The following EPC2 variants were observed in gnomAD, a reference collection of about 807,000 sequenced individuals.
EPC2 encodes enhancer of polycomb 2.
A neutral mutation model predicts 92.1 loss-of-function variants in EPC2; 14 were observed. The observed-to-expected ratio is 0.15, with a 90% CI of 0.10 to 0.24. The LOEUF (loss-of-function observed/expected upper bound fraction) is 0.24. Ranked by LOEUF, EPC2 falls within the 10% of genes least tolerant of loss-of-function variation. EPC2 has a pLI of 1.00. For missense variants in EPC2, 755 were observed against 971.5 expected (o/e 0.78, Z 2.96); for synonymous variants, 340 against 334.7 (o/e 1.02, Z -0.17).
chr2:148,661,447 A>G (rs925340057), intron 1 of EPC2, among the ~76,000 whole-genome samples: 1 of 152,166 alleles, frequency 6.6e-6, no homozygotes, highest in East Asian at 1.9e-4. Context: ...TAGATACCAT[A>G]TCACCACCTA....
At chr2:148,737,508 A>G (rs958819160) in intron 2 of EPC2, among the ~76,000 whole-genome samples, 2 of 152,034 alleles carry the variant, frequency 1.3e-5, no homozygotes, top group Non-Finnish European at 2.9e-5. Flanking sequence ...CCATGGTTCC[A>G]TTTGTAGACT....
intron 2 of EPC2, among the ~76,000 whole-genome samples, chr2:148,704,483 G>A (rs978552694): frequency 6.6e-6 from 1 of 152,090 alleles, no homozygotes; most frequent in African/African-American, 2.4e-5. Context: ...CCACTGAACT[G>A]CACACTTATA....
In EPC2 at chr2:148,783,618, A is replaced by G. The variant is rs755586152; in HGVS notation, c.1879A>G (p.Met627Val). 2 of 1,607,826 alleles carry G rather than the reference A, an allele frequency of 1.2e-6. No individual in the cohort carries two copies. Among genetic ancestry groups the G allele is most frequent in the Non-Finnish European group, 1.7e-6 (2 of 1,176,944 alleles). Residue 627 changes from methionine to valine, a missense_variant, in exon 12 of 14, where the codon ATG (methionine) becomes GTG (valine). Met to Val is a conservative substitution (Grantham distance 21). Around this residue, in one of 4 missense-constraint regions of EPC2, gnomAD observed 207 missense variants for 260.5 expected, o/e 0.79. Transcript: ENST00000258484. ...ATAGGGCTCAAGCACCTCTGACTGT[A>G]TGTCTAAAACACTTGACTCAGCCAG... ...KAQGSSTSDC[M>V]SKTLDSASAH...
intron 2 of EPC2, among the ~76,000 whole-genome samples, chr2:148,698,948 A>G (rs1324795106): frequency 6.6e-6 from 1 of 151,548 alleles, no homozygotes; most frequent in African/African-American, 2.4e-5. Context: ...AAATAATTTT[A>G]ATAGTCTTTG....
chr2:148,712,547 A>G (rs1276022049), intron 2 of EPC2, among the ~76,000 whole-genome samples: 1 of 152,196 alleles, frequency 6.6e-6, no homozygotes, highest in African/African-American at 2.4e-5. Context: ...AGAACAGTGC[A>G]TTACTGATGC....
chr2:148,786,452 C>T lies in EPC2; in HGVS notation c.*75C>T. 8.6e-7 allele frequency: 1 copy of T among 1,167,976 alleles called. No homozygotes were observed. The highest frequency in any genetic ancestry group is 2.5e-5 in the East Asian group (1 of 39,806). 72.4% of individuals were successfully genotyped at this position (1,167,976 alleles called of 1,614,324 possible). A position where few individuals can be genotyped will look rare whatever the true frequency, so the allele number is the denominator to read the frequency against. On this transcript the variant is annotated 3_prime_UTR_variant, in exon 14 of 14. Coordinates refer to ENST00000258484, the MANE Select transcript of EPC2 (RefSeq NM_015630.4). ...TTCCAGCTGAATGCAAAAGGCAACA[C>T]TCTGTGGATCACAGAGTGTAACAAT...
chr2:148,645,289 G>A (rs1325675764), intron 1 of EPC2, 119 bp downstream of exon 1: 11 of 894,422 alleles, frequency 1.2e-5, no homozygotes, highest in South Asian at 1.2e-4. Flanking sequence ...CCGCTCTAAC[G>A]CACGGGACTC....
chr2:148,722,570 C>T lies in EPC2; in HGVS notation c.314-21052C>T, dbSNP rs1303456309. ...GAGAAGAGGGAATGCTCATGCACTG[C>T]GGGTAGGAATGTAAATTAGTTCAGC... is the stretch of plus-strand genomic sequence containing the variant. On this transcript the variant is annotated intron_variant, in intron 2 of 13. Transcript: ENST00000258484. Among the ~76,000 whole-genome samples, 4 of 152,108 alleles carry T rather than the reference C, an allele frequency of 2.6e-5. No individual in the cohort carries two copies. The East Asian group carries it at 7.7e-4, about 29-fold the overall frequency.
intron 1 of EPC2, among the ~76,000 whole-genome samples, chr2:148,647,704 C>G (rs1683833225): frequency 7.0e-6 from 1 of 143,308 alleles, no homozygotes; most frequent in South Asian, 2.2e-4. Flanking sequence ...GCGATCTCAG[C>G]TCACTGCAAC....
chr2:148,645,416 G>A (rs1254732780), intron 1 of EPC2: 8 of 438,032 alleles, frequency 1.8e-5, no homozygotes, highest in Non-Finnish European at 3.3e-5. Flanking sequence ...TGCCGTAAGG[G>A]GGCCTTGCCG....
At chr2:148,682,409 A>G (rs551763375) in intron 1 of EPC2, among the ~76,000 whole-genome samples, 1 of 152,334 alleles carries the variant, frequency 6.6e-6, no homozygotes, top group East Asian at 1.9e-4. Flanking sequence ...AGTTATTATC[A>G]GTATTCATAA....
chr2:148,690,327 G>C lies in EPC2; in HGVS notation c.267G>C (p.Leu89Phe). Residue 89 changes from leucine (L) to phenylalanine (F), a missense_variant, in exon 2 of 14, where the codon TTG (leucine) becomes TTC (phenylalanine). Physicochemically the swap from Leu to Phe is conservative, Grantham distance 22. Coordinates refer to ENST00000258484, the MANE Select transcript of EPC2 (RefSeq NM_015630.4). Reference sequence around the variant, plus strand: ...GCAACGTCAACTATTACAATCGCTTGTACAAAGGAGAGTTTAAACAGCCAA... The same window carrying C: ...GCAACGTCAACTATTACAATCGCTTCTACAAAGGAGAGTTTAAACAGCCAA... ...AESNVNYYNR[L>F]YKGEFKQPKQ... The C allele has an allele frequency of 1.9e-6, 3 of 1,610,816 alleles. No individual in the cohort carries two copies. The highest frequency in any genetic ancestry group is 2.5e-6 in the Non-Finnish European group (3 of 1,178,956).
At chr2:148,655,744 A>G (rs966884508) in intron 1 of EPC2, among the ~76,000 whole-genome samples, 3 of 152,194 alleles carry the variant, frequency 2.0e-5, no homozygotes, top group Non-Finnish European at 4.4e-5. Context: ...CCAAATGGCA[A>G]TCTCATTCCT....
intron 10 of EPC2, among the ~76,000 whole-genome samples, chr2:148,779,170 T>C (rs1337378757): frequency 6.6e-6 from 1 of 152,194 alleles, no homozygotes; most frequent in African/African-American, 2.4e-5. Context: ...TCTGTTTCCG[T>C]TTTTAATATG....
Position 148,764,959 on chromosome 2 carries a change from C to G in EPC2, c.953C>G (p.Pro318Arg). ...HKVQECKTKH[P>R]HHLSLKEEAS... ...GAAAAATCGTCATGTAAACAGCACC[C>G]TCATCATTTGTCTTTGAAAGAAGAG... Residue 318 changes from proline to arginine, a missense_variant, in exon 7 of 14, where the codon CCT becomes CGT. Pro to Arg is a moderately radical substitution (Grantham distance 103). Coordinates refer to ENST00000258484, the MANE Select transcript of EPC2 (RefSeq NM_015630.4). 2 of 1,540,800 alleles carry G rather than the reference C, an allele frequency of 1.3e-6. No homozygotes were observed. Among genetic ancestry groups the G allele is most frequent in the South Asian group, 1.3e-5 (1 of 77,128 alleles).
intron 2 of EPC2, among the ~76,000 whole-genome samples, chr2:148,704,009 T>C (rs1681942869): frequency 6.6e-6 from 1 of 152,166 alleles, no homozygotes; most frequent in African/African-American, 2.4e-5. Context: ...CTCAGAAAAT[T>C]GAAGATAGAC....
intron 10 of EPC2, among the ~76,000 whole-genome samples, chr2:148,780,065 T>A (rs527471710): frequency 6.2e-4 from 94 of 152,280 alleles, no homozygotes; most frequent in African/African-American, 1.8e-3. Context: ...TTAAAAAAAA[T>A]TTTTCATTTA....
chr2:148,653,363 C>T lies in EPC2; in HGVS notation c.153+8193C>T, dbSNP rs895869. Among the ~76,000 whole-genome samples the T allele has an allele frequency of 5.2e-3, 786 of 152,156 alleles. 10 individuals are homozygous for T. Among genetic ancestry groups the T allele is most frequent in the African/African-American group, 0.018 (750 of 41,522 alleles). On this transcript the variant is annotated intron_variant, in intron 1 of 13. Coordinates refer to ENST00000258484, the MANE Select transcript of EPC2 (RefSeq NM_015630.4). ...GAGGAGAGGCTGATAGGAATAAGCC[C>T]TGAAGGAGACCAATGCAGATGGCAG...
chr2:148,772,052 G>C (rs1246514039), intron 10 of EPC2, among the ~76,000 whole-genome samples: 1 of 152,078 alleles, frequency 6.6e-6, no homozygotes, highest in Non-Finnish European at 1.5e-5. Flanking sequence ...ACCTGCCTCA[G>C]CCTCCCAAAG....
Sources: gnomAD v4.1 joint callset for allele counts (sites outside exome capture counted in the v4.1 genomes callset) on GRCh38, gnomAD v4.1.1 for gene constraint, gnomAD v4.1.1 regional missense constraint, MANE v1.5 for transcripts, NCBI Gene and HGNC (gene_info 2026-07-23, HGNC 2026-07-21) for gene names.